PTPRT: variants seen among roughly 807,000 people sequenced by gnomAD.
PTPRT encodes receptor-type tyrosine-protein phosphatase T.
In PTPRT, 56 loss-of-function variants were observed where a neutral mutation model predicts 176.8. That is an observed-to-expected ratio of 0.32 (90% confidence interval 0.26 to 0.40). The LOEUF is 0.40. PTPRT is among the 10% of genes least tolerant of loss of function. PTPRT has a pLI of 1.00. For synonymous variants in PTPRT, 783 were observed against 739.0 expected (o/e 1.06, Z -0.96); for missense variants, 1,540 against 1,908.2 (o/e 0.81, Z 3.60).
intron 1 of PTPRT, among the ~76,000 whole-genome samples, chr20:42,903,912 T>G (rs1334394564): frequency 1.9e-4 from 29 of 152,166 alleles, no homozygotes. Flanking sequence ...TGTTGACACT[T>G]TGTTTCCCTG....
intron 16 of PTPRT, among the ~76,000 whole-genome samples, chr20:42,184,595 C>CCTCT (rs1990684079): frequency 3.4e-5 from 1 of 29,428 alleles, no homozygotes; most frequent in African/African-American, 9.1e-5. Flanking sequence ...CTTCTTCTTC[C>CCTCT]TCTTCTTCTT....
At chr20:42,328,773 G>A (rs930834262) in intron 11 of PTPRT, among the ~76,000 whole-genome samples, 1 of 152,078 alleles carries the variant, frequency 6.6e-6, no homozygotes, top group African/African-American at 2.4e-5. Context: ...AATATTATTT[G>A]GCAACGTTGC....
chr20:42,318,932 G>GGCTGTCCTCATTT (rs1440407850), intron 11 of PTPRT, among the ~76,000 whole-genome samples: 2 of 152,106 alleles, frequency 1.3e-5, no homozygotes, highest in Admixed American at 1.3e-4. Context: ...GGAACCACAT[G>GGCTGTCCTCATTT]GCTGTCCTCA....
chr20:42,868,218 A>G (rs1015795993), intron 2 of PTPRT, among the ~76,000 whole-genome samples: 1 of 152,174 alleles, frequency 6.6e-6, no homozygotes. Flanking sequence ...AGCTGGAGAG[A>G]AAGGCTCAAT....
chr20:42,042,319 G>T, the PTPRT span, among the ~76,000 whole-genome samples: 1 of 152,180 alleles, frequency 6.6e-6, no homozygotes, highest in African/African-American at 2.4e-5. Flanking sequence ...CCAAACGATG[G>T]TTTTATTGCA....
chr20:42,136,690 C>A (rs958935763), intron 18 of PTPRT, among the ~76,000 whole-genome samples: 4 of 152,068 alleles, frequency 2.6e-5, no homozygotes, highest in Non-Finnish European at 5.9e-5. Context: ...CACTGAGGGG[C>A]CTTTCTGAAG....
At chr20:43,073,282 T>C (rs1282285548) in intron 1 of PTPRT, among the ~76,000 whole-genome samples, 2 of 152,184 alleles carry the variant, frequency 1.3e-5, no homozygotes, top group African/African-American at 2.4e-5. Context: ...TCTGTGTATG[T>C]GTACATGTTT....
intron 12 of PTPRT, among the ~76,000 whole-genome samples, chr20:42,308,979 A>T (rs1035578314): frequency 6.6e-6 from 1 of 152,218 alleles, no homozygotes; most frequent in African/African-American, 2.4e-5. Context: ...TCAAGAGGCA[A>T]TTGAGTTCAA....
At chr20:42,879,769 G>GTGTGCA (rs988083655) in intron 2 of PTPRT, among the ~76,000 whole-genome samples, 1 of 152,080 alleles carries the variant, frequency 6.6e-6, no homozygotes, top group Non-Finnish European at 1.5e-5. Flanking sequence ...GCGTGTGTGT[G>GTGTGCA]TGTGCATGTG....
At chr20:42,846,674 C>T (rs755656056) in intron 2 of PTPRT, among the ~76,000 whole-genome samples, 16 of 152,192 alleles carry the variant, frequency 1.1e-4, no homozygotes, top group Admixed American at 2.6e-4. Context: ...GGGGAATGAC[C>T]TCTTTAGGGT....
chr20:42,321,185 T>A (rs774665407), intron 11 of PTPRT, among the ~76,000 whole-genome samples: 12 of 152,158 alleles, frequency 7.9e-5, no homozygotes, highest in Non-Finnish European at 1.2e-4. Context: ...ATTCTTCAAG[T>A]GAGGGCAGTG....
intron 1 of PTPRT, among the ~76,000 whole-genome samples, chr20:43,164,261 C>T (rs2014793927): frequency 6.6e-6 from 1 of 152,168 alleles, no homozygotes; most frequent in African/African-American, 2.4e-5. Flanking sequence ...CACTGGCTTC[C>T]ACTCCTTCAT....
intron 3 of PTPRT, among the ~76,000 whole-genome samples, chr20:42,786,812 C>T (rs1313116030): frequency 6.6e-6 from 1 of 152,186 alleles, no homozygotes; most frequent in Non-Finnish European, 1.5e-5. Context: ...TGTCTACAGT[C>T]AATGATACAG....
At chr20:42,229,588 T>C (rs956089057) in intron 15 of PTPRT, among the ~76,000 whole-genome samples, 3 of 152,224 alleles carry the variant, frequency 2.0e-5, no homozygotes, top group African/African-American at 7.2e-5. Context: ...GAAAAGGCAT[T>C]TGCCTTTGAA....
intron 6 of PTPRT, among the ~76,000 whole-genome samples, chr20:42,753,149 C>T (rs1032971463): frequency 6.6e-6 from 1 of 152,102 alleles, no homozygotes; most frequent in African/African-American, 2.4e-5. Context: ...GACATTGTGG[C>T]ACCAGGTAAC....
chr20:42,625,381 G>A (rs1442333810), intron 7 of PTPRT, among the ~76,000 whole-genome samples: 1 of 152,042 alleles, frequency 6.6e-6, no homozygotes, highest in Non-Finnish European at 1.5e-5. Flanking sequence ...GTACTATGAA[G>A]TGAATTGAAA....
At chr20:42,786,035 A>C (rs2077284818) in intron 3 of PTPRT, among the ~76,000 whole-genome samples, 1 of 152,166 alleles carries the variant, frequency 6.6e-6, no homozygotes, top group African/African-American at 2.4e-5. Flanking sequence ...TGAATGAGTT[A>C]TCACAAGATC....
At chr20:42,146,459 T>C (rs1311945583) in intron 17 of PTPRT, among the ~76,000 whole-genome samples, 1 of 152,220 alleles carries the variant, frequency 6.6e-6, no homozygotes, top group Non-Finnish European at 1.5e-5. Context: ...AAGGTCTCTT[T>C]ATGACTGCAC....
chr20:42,145,535 T>TAGAC (rs1988829790), intron 17 of PTPRT, among the ~76,000 whole-genome samples: 1 of 152,018 alleles, frequency 6.6e-6, no homozygotes, highest in Admixed American at 6.5e-5. Flanking sequence ...GATAGATAGA[T>TAGAC]AGATAGATAG....
Sources: gnomAD v4.1 joint callset for allele counts (sites outside exome capture counted in the v4.1 genomes callset) on GRCh38, gnomAD v4.1.1 for gene constraint, MANE v1.5 for transcripts, NCBI Gene and HGNC (gene_info 2026-07-23, HGNC 2026-07-21) for gene names.